OR2I1: variants seen among roughly 807,000 people sequenced by gnomAD.
OR2I1 encodes the protein olfactory receptor family 2 subfamily I member 1 (gene/pseudogene).
chr6:29,553,634 T>C, the OR2I1 span: 1 of 398,286 alleles, frequency 2.5e-6, no homozygotes, highest in East Asian at 3.6e-5. Flanking sequence ...TCCCCGCGCC[T>C]ATGTCGCACG....
the OR2I1 span, chr6:29,555,812 G>T: frequency 1.6e-6 from 2 of 1,274,884 alleles, no homozygotes; most frequent in Admixed American, 1.9e-5. Context: ...CAGAAGATGT[G>T]TTCGTTGAGT....
the OR2I1 span, chr6:29,553,931 T>G: frequency 2.5e-6 from 1 of 398,616 alleles, no homozygotes; most frequent in Non-Finnish European, 4.4e-6. Context: ...AGGAGGGCGG[T>G]GGGCACGTGT....
chr6:29,554,062 A>T, the OR2I1 span: 1,594 of 398,930 alleles, frequency 4.0e-3, 9 homozygotes, highest in Middle Eastern at 0.023. Flanking sequence ...CACCGTGGTC[A>T]CACCTGCTCT....
At chr6:29,556,448 T>A in the OR2I1 span, 11 of 838,522 alleles carry the variant, frequency 1.3e-5, no homozygotes, top group African/African-American at 1.7e-5. Flanking sequence ...ACTATCTATC[T>A]GGTCCTCTAG....
At chr6:29,554,287 G>C in the OR2I1 span, 7 of 397,566 alleles carry the variant, frequency 1.8e-5, no homozygotes, top group Admixed American at 4.4e-5. Flanking sequence ...TTGTCCTAAG[G>C]AGTCCAATGG....
At chr6:29,551,543 G>C in the OR2I1 span, among the ~76,000 whole-genome samples, 1 of 152,194 alleles carries the variant, frequency 6.6e-6, no homozygotes, top group Non-Finnish European at 1.5e-5. Context: ...AATGAAAAGA[G>C]CTGTAAATGT....
chr6:29,554,029 G>A, the OR2I1 span: 1,100 of 398,916 alleles, frequency 2.8e-3, 5 homozygotes, highest in African/African-American at 8.5e-3. Context: ...CCAGGCACGG[G>A]GCAAGTTCGT....
the OR2I1 span, chr6:29,554,252 AT>A: frequency 2.5e-6 from 1 of 397,894 alleles, no homozygotes; most frequent in African/African-American, 2.1e-5. Flanking sequence ...CAGGCTGTTC[AT>A]TTTTGTATGA....
chr6:29,554,414 A>G, the OR2I1 span: 1 of 347,870 alleles, frequency 2.9e-6, no homozygotes, highest in Admixed American at 4.7e-5. Context: ...ACGCGCAGGG[A>G]AAATGATGGA....
the OR2I1 span, among the ~76,000 whole-genome samples, chr6:29,551,176 G>A: frequency 6.5e-3 from 992 of 152,288 alleles, 3 homozygotes; most frequent in African/African-American, 0.021. Flanking sequence ...TGTAATCACC[G>A]CATTAAAGAA....
the OR2I1 span, chr6:29,554,116 G>A: frequency 2.5e-6 from 1 of 399,356 alleles, no homozygotes; most frequent in East Asian, 3.6e-5. Context: ...AGTGAAGGGG[G>A]CAGCGAGGAG....
chr6:29,552,972 C>T, the OR2I1 span: 2 of 344,490 alleles, frequency 5.8e-6, no homozygotes, highest in Non-Finnish European at 1.0e-5. Context: ...GTACCTGAAA[C>T]AACGGAGGTG....
At chr6:29,556,090 A>C in the OR2I1 span, 1 of 1,612,992 alleles carries the variant, frequency 6.2e-7, no homozygotes, top group Admixed American at 1.7e-5. Flanking sequence ...TTGCCTCATC[A>C]CCTGACTCCA....
the OR2I1 span, chr6:29,556,187 G>A: frequency 6.2e-7 from 1 of 1,613,088 alleles, no homozygotes; most frequent in Non-Finnish European, 8.5e-7. Flanking sequence ...GCCATAAGAT[G>A]AGAGGCTTCT....
chr6:29,554,124 G>C, the OR2I1 span: 1 of 399,340 alleles, frequency 2.5e-6, no homozygotes, highest in Non-Finnish European at 4.4e-6. Context: ...GGGCAGCGAG[G>C]AGGCTGCTGC....
At chr6:29,551,983 T>G in the OR2I1 span, among the ~76,000 whole-genome samples, 1 of 152,254 alleles carries the variant, frequency 6.6e-6, no homozygotes, top group Non-Finnish European at 1.5e-5. Flanking sequence ...TTTTGTAATT[T>G]ACAGCAGTGA....
the OR2I1 span, chr6:29,554,375 G>A: frequency 4.4e-3 from 1,684 of 384,822 alleles, 62 homozygotes; most frequent in East Asian, 0.048. Flanking sequence ...CTCAGGTTTA[G>A]GGAAGGAAAA....
the OR2I1 span, chr6:29,557,641 T>C: frequency 6.6e-6 from 1 of 152,196 alleles, no homozygotes; most frequent in Non-Finnish European, 1.5e-5. Flanking sequence ...CAGCATAAAT[T>C]CCTGTGTCAC....
At chr6:29,556,183 A>G in the OR2I1 span, 6 of 1,612,976 alleles carry the variant, frequency 3.7e-6, no homozygotes, top group Non-Finnish European at 5.1e-6. Context: ...CAATGCCATA[A>G]GATGAGAGGC....
Sources: gnomAD v4.1 joint callset for allele counts (sites outside exome capture counted in the v4.1 genomes callset) on GRCh38, gnomAD v4.1.1 for gene constraint, MANE v1.5 for transcripts, NCBI Gene and HGNC (gene_info 2026-07-23, HGNC 2026-07-21) for gene names.